The following ROPN1 variants were observed in gnomAD, a reference collection of about 807,000 sequenced individuals.
ROPN1 encodes the protein rhophilin associated tail protein 1, also known as ropporin-1A.
Under a neutral mutation model 20.5 loss-of-function variants are expected in ROPN1, and 14 were observed. The ratio of observed to expected loss-of-function variants is 0.68; its 90% CI spans 0.45 to 1.07. The LOEUF (loss-of-function observed/expected upper bound fraction) is 1.07. Among genes scored for constraint, ROPN1 ranks in the 50% least tolerant of loss-of-function variants. The pLI is 0.00. For missense variants in ROPN1, 169 were observed against 242.8 expected (o/e 0.70, Z 2.02); for synonymous variants, 76 against 95.7 (o/e 0.79, Z 1.20).
intron 3 of ROPN1, among the ~76,000 whole-genome samples, chr3:123,976,256 G>T (rs190236890): frequency 6.6e-6 from 1 of 152,154 alleles, no homozygotes; most frequent in Non-Finnish European, 1.5e-5. Flanking sequence ...TGGGACCAAG[G>T]TGGTTAGCCA....
At chr3:123,986,726 G>A (rs993218205) in intron 1 of ROPN1, among the ~76,000 whole-genome samples, 1 of 152,192 alleles carries the variant, frequency 6.6e-6, no homozygotes. Context: ...GCAGACATGG[G>A]CCAGCAAAGT....
chr3:123,978,982 A>T (rs1283306002), intron 2 of ROPN1: 2 of 163,582 alleles, frequency 1.2e-5, no homozygotes, highest in Admixed American at 5.6e-5. Flanking sequence ...GCACAAGAAC[A>T]ATCAAATGGG....
chr3:123,986,374 C>T (rs2038256152), intron 1 of ROPN1, among the ~76,000 whole-genome samples: 1 of 151,710 alleles, frequency 6.6e-6, no homozygotes, highest in Non-Finnish European at 1.5e-5. Context: ...CTGAAATGAC[C>T]ACACAGTGGC....
chr3:123,970,404 AT>A (rs1438894368), intron 4 of ROPN1, among the ~76,000 whole-genome samples, 187 bp from the exon 5 acceptor site: 1 of 152,232 alleles, frequency 6.6e-6, no homozygotes, highest in Non-Finnish European at 1.5e-5. Flanking sequence ...AATATTAAGT[AT>A]TGGGTATCTT....
chr3:123,986,349 G>A (rs1460348755), intron 1 of ROPN1, among the ~76,000 whole-genome samples: 1 of 151,846 alleles, frequency 6.6e-6, no homozygotes, highest in African/African-American at 2.4e-5. Flanking sequence ...AGTCCTCAGG[G>A]ACATACAAAA....
intron 1 of ROPN1, among the ~76,000 whole-genome samples, chr3:123,989,020 T>G (rs752587574): frequency 1.4e-4 from 21 of 152,124 alleles, no homozygotes; most frequent in Non-Finnish European, 2.6e-4. Flanking sequence ...ATATCTGAAC[T>G]GAGACTTGGA....
chr3:123,971,804 C>CTCCCATGGGGTGCTGG (rs2148990263), intron 4 of ROPN1, among the ~76,000 whole-genome samples: 1 of 152,322 alleles, frequency 6.6e-6, no homozygotes, highest in East Asian at 1.9e-4. Flanking sequence ...CTGTTGCCCT[C>CTCCCATGGGGTGCTGG]TCCCATGGGG....
Position 123,980,464 on chromosome 3 carries a change from C to T in ROPN1, c.18G>A (p.Lys6=). Residue 6 remains lysine (K), a synonymous_variant, in exon 2 of 6, where the codon AAG becomes AAA. Coordinates refer to ENST00000405845, the MANE Select transcript of ROPN1 (RefSeq NM_001317774.2). MAQTD[K]PTCIPPELPK... ...GCAGCTCCGGCGGGATGCATGTTGG[C>T]TTATCTGTCTGAGCCATTGATTGGT... is the stretch of plus-strand genomic sequence containing the variant. The T allele has an allele frequency of 6.2e-7, 1 of 1,614,162 alleles. No individual in the cohort carries two copies.
chr3:123,979,687 C>T (rs1354828606), intron 2 of ROPN1: 2 of 399,454 alleles, frequency 5.0e-6, no homozygotes, highest in African/African-American at 4.2e-5. Context: ...TCAGCCATGC[C>T]TGAGGACCCC....
chr3:123,987,875 C>T (rs536627289), intron 1 of ROPN1, among the ~76,000 whole-genome samples: 31 of 152,284 alleles, frequency 2.0e-4, no homozygotes, highest in Non-Finnish European at 4.0e-4. Flanking sequence ...TGAATAGGTA[C>T]CTCTTTTGGT....
intron 2 of ROPN1, chr3:123,979,602 T>C (rs1294144073): frequency 8.3e-6 from 3 of 363,166 alleles, no homozygotes; most frequent in Non-Finnish European, 1.6e-5. Context: ...GCGATTGTTG[T>C]GTAAGCTCCA....
At chr3:123,980,302 G>A (rs746158039) in intron 2 of ROPN1, 64 bp downstream of exon 2, 1 of 1,542,694 alleles carries the variant, frequency 6.5e-7, no homozygotes, top group Non-Finnish European at 9.0e-7. Flanking sequence ...AACCTCCGCG[G>A]TTTTACAGGA....
intron 1 of ROPN1, among the ~76,000 whole-genome samples, chr3:123,981,897 CACAA>C (rs1180129759): frequency 3.3e-5 from 5 of 151,922 alleles, no homozygotes; most frequent in Admixed American, 1.3e-4. Flanking sequence ...TTTTTAAAAA[CACAA>C]ACAAGCAAAC....
chr3:123,972,164 C>G (rs2332715), intron 4 of ROPN1, among the ~76,000 whole-genome samples: 18,436 of 152,204 alleles, frequency 0.12, 2,653 homozygotes, highest in East Asian at 0.35. Flanking sequence ...AACATAGCGG[C>G]TTTCAACCCT....
At chr3:123,970,804 A>G (rs1243319386) in intron 4 of ROPN1, among the ~76,000 whole-genome samples, 3 of 152,208 alleles carry the variant, frequency 2.0e-5, no homozygotes, top group African/African-American at 7.2e-5. Flanking sequence ...ATTTCATACT[A>G]CATAATACTA....
chr3:123,990,306 G>GAGGAGGAAGAAGAGAAGGTGGAGA (rs2038376324), intron 1 of ROPN1, among the ~76,000 whole-genome samples: 1 of 152,100 alleles, frequency 6.6e-6, no homozygotes, highest in Non-Finnish European at 1.5e-5. Context: ...GGAGGTGGAG[G>GAGGAGGAAGAAGAGAAGGTGGAGA]AGGAGGAAGA....
chr3:123,973,265 T>C (rs534833966), intron 4 of ROPN1, among the ~76,000 whole-genome samples: 3 of 152,362 alleles, frequency 2.0e-5, no homozygotes, highest in South Asian at 4.1e-4. Flanking sequence ...ACTGGTTTCA[T>C]AGGACACCCT....
intron 1 of ROPN1, among the ~76,000 whole-genome samples, chr3:123,989,620 C>T (rs2149005582): frequency 6.6e-6 from 1 of 152,336 alleles, no homozygotes; most frequent in East Asian, 1.9e-4. Flanking sequence ...GCATCTGTTT[C>T]ATGCAGTGTG....
intron 4 of ROPN1, among the ~76,000 whole-genome samples, chr3:123,972,738 A>G (rs1010248135): frequency 2.6e-5 from 4 of 152,256 alleles, no homozygotes; most frequent in African/African-American, 9.6e-5. Flanking sequence ...TGAATGGCAT[A>G]GAGATCTTGT....
Sources: gnomAD v4.1 joint callset for allele counts (sites outside exome capture counted in the v4.1 genomes callset) on GRCh38, gnomAD v4.1.1 for gene constraint, MANE v1.5 for transcripts, NCBI Gene and HGNC (gene_info 2026-07-23, HGNC 2026-07-21) for gene names.